Variants in KSR2 observed in about 807,000 individuals in gnomAD.
KSR2 encodes kinase suppressor of ras 2.
Under a neutral mutation model 107.8 loss-of-function variants are expected in KSR2, and 25 were observed. That is an observed-to-expected ratio of 0.23 (90% CI 0.17 to 0.32). The LOEUF is 0.32. Ranked by LOEUF, KSR2 falls within the 10% of genes least tolerant of loss-of-function variation. The pLI, the probability that KSR2 is intolerant of heterozygous loss-of-function variation, is 1.00. For synonymous variants in KSR2, 480 were observed against 507.0 expected, an observed-to-expected ratio of 0.95 and a Z score of 0.71; for missense variants, 887 against 1,268.9, an observed-to-expected ratio of 0.70 and a Z score of 4.57.
chr12:117,958,682 G>A (rs1439007079), intron 1 of KSR2, among the ~76,000 whole-genome samples: 1 of 152,106 alleles, frequency 6.6e-6, no homozygotes, highest in African/African-American at 2.4e-5. Flanking sequence ...TCAGCTGGGT[G>A]CGGTGGAATG....
chr12:117,773,590 C>T (rs1889583735), intron 3 of KSR2, among the ~76,000 whole-genome samples: 1 of 152,184 alleles, frequency 6.6e-6, no homozygotes. Flanking sequence ...TCTACCATTC[C>T]AGGATCAACA....
At position 117,614,455 on chromosome 12, in the gene KSR2, G is replaced by A. The variant is rs569331510; in HGVS notation, c.1172-32096C>T. 6.6e-5 allele frequency among the ~76,000 whole-genome samples: 10 copies of A among 152,294 alleles called. No individual in the cohort carries two copies. In the South Asian group the frequency reaches 2.1e-3, roughly 32 times the overall value. On this transcript the variant is annotated intron_variant, in intron 5 of 19. Transcript: ENST00000339824. ...ATTAAGAATTGATTGGATTTGTTTG[G>A]GCTAAATGGAAAGTGCTCTGAAACT...
intron 4 of KSR2, among the ~76,000 whole-genome samples, chr12:117,686,215 ATTTTTTTTTTTT>A (rs55772468): frequency 7.7e-5 from 6 of 78,038 alleles, no homozygotes; most frequent in African/African-American, 2.7e-4. Context: ...CACCCAGCTA[ATTTTTTTTTTTT>A]TTTTTTTTTT....
In KSR2 at chr12:117,893,701, C is replaced by G. The variant is rs185187683; in HGVS notation, c.181-33270G>C. Among the ~76,000 whole-genome samples the G allele has an allele frequency of 1.1e-3, 175 of 152,244 alleles. 2 individuals are homozygous for G. The highest frequency in any genetic ancestry group is 6.8e-3 in the Middle Eastern group (2 of 294). ...AGCACCTAGGAGTACCCAGAACTAC[C>G]AAAAACAAGTAGGTGCTTGCTTTTC... is the stretch of plus-strand genomic sequence containing the variant. On this transcript the variant is annotated intron_variant, in intron 1 of 19. Transcript: ENST00000339824.
intron 5 of KSR2, among the ~76,000 whole-genome samples, chr12:117,646,896 A>C (rs1355493114): frequency 1.8e-4 from 27 of 152,172 alleles, no homozygotes; most frequent in Admixed American, 1.8e-3. Flanking sequence ...AATGCAGCGC[A>C]GAAGGGCTGC....
At chr12:117,744,776 A>C (rs1312092477) in intron 4 of KSR2, among the ~76,000 whole-genome samples, 5 of 152,198 alleles carry the variant, frequency 3.3e-5, no homozygotes, top group Non-Finnish European at 7.4e-5. Context: ...TTCTCAAACT[A>C]GACTTGAAGC....
intron 1 of KSR2, among the ~76,000 whole-genome samples, chr12:117,862,728 CTT>C (rs60357744): frequency 0.11 from 15,245 of 135,286 alleles, 802 homozygotes; most frequent in African/African-American, 0.19. Flanking sequence ...CATTCCCCCC[CTT>C]TTTTTTTTTT....
chr12:117,880,891 A>T (rs1055571913), intron 1 of KSR2, among the ~76,000 whole-genome samples: 1 of 151,854 alleles, frequency 6.6e-6, no homozygotes, highest in Admixed American at 6.6e-5. Flanking sequence ...GCTGGTCTCG[A>T]ACTCCTGATC....
chr12:117,699,630 G>A (rs1399045916), intron 4 of KSR2, among the ~76,000 whole-genome samples: 5 of 152,064 alleles, frequency 3.3e-5, no homozygotes, highest in African/African-American at 7.2e-5. Flanking sequence ...AGATTAAAAC[G>A]GTACACCTGT....
chr12:117,835,226 T>C (rs1035407184), intron 3 of KSR2, among the ~76,000 whole-genome samples: 3 of 152,134 alleles, frequency 2.0e-5, no homozygotes, highest in South Asian at 2.1e-4. Context: ...CCCCCTTTCA[T>C]GGGTGATCAG....
chr12:117,891,882 C>A (rs1049185844), intron 1 of KSR2, among the ~76,000 whole-genome samples: 1 of 152,088 alleles, frequency 6.6e-6, no homozygotes, highest in Non-Finnish European at 1.5e-5. Context: ...CACCTGTGGT[C>A]CCAGCTACTT....
In KSR2 at chr12:117,968,313, G is replaced by C; in HGVS notation, c.-58C>G. 1 of 1,452,838 alleles carries C rather than the reference G, an allele frequency of 6.9e-7. No individual in the cohort carries two copies. The highest frequency in any genetic ancestry group is 9.0e-7 in the Non-Finnish European group (1 of 1,110,910). 90.0% of individuals were successfully genotyped at this position (1,452,838 alleles called of 1,614,324 possible). A position where few individuals can be genotyped will look rare whatever the true frequency, so the allele number is the denominator to read the frequency against. On this transcript the variant is annotated 5_prime_UTR_variant, in exon 1 of 20. Transcript: ENST00000339824. ...CCTCCCAGAGAGAAAAAAGAGGGGG[G>C]GGAGTAGAGGTAGTCTACCCTCCGC...
At chr12:117,826,471 G>A (rs1891756547) in intron 3 of KSR2, among the ~76,000 whole-genome samples, 1 of 139,432 alleles carries the variant, frequency 7.2e-6, no homozygotes, top group Admixed American at 7.3e-5. Flanking sequence ...AGGAAAAAAA[G>A]ATCTTTTTGA....
intron 14 of KSR2, among the ~76,000 whole-genome samples, chr12:117,523,016 G>T (rs918946353): frequency 6.6e-6 from 1 of 152,194 alleles, no homozygotes. Flanking sequence ...CTTCTGTCTT[G>T]TGCAGAGTTG....
intron 5 of KSR2, among the ~76,000 whole-genome samples, chr12:117,597,169 G>A (rs1880697404): frequency 6.6e-6 from 1 of 152,144 alleles, no homozygotes; most frequent in Admixed American, 6.6e-5. Flanking sequence ...CTTCCTTGGT[G>A]ACCTGAGGAG....
At chr12:117,919,695 A>G (rs1895285130) in intron 1 of KSR2, among the ~76,000 whole-genome samples, 1 of 152,206 alleles carries the variant, frequency 6.6e-6, no homozygotes, top group Non-Finnish European at 1.5e-5. Context: ...TGAATCATGA[A>G]CAGAAATGAC....
chr12:117,790,482 A>G (rs930836442), intron 3 of KSR2, among the ~76,000 whole-genome samples: 1 of 152,176 alleles, frequency 6.6e-6, no homozygotes, highest in Admixed American at 6.5e-5. Flanking sequence ...GCAATCAGAT[A>G]TGCATTTGTC....
intron 5 of KSR2, among the ~76,000 whole-genome samples, chr12:117,634,024 C>T (rs964436876): frequency 6.6e-6 from 1 of 152,324 alleles, no homozygotes; most frequent in African/African-American, 2.4e-5. Context: ...TCCTATCTGG[C>T]AATCAGTCCA....
chr12:117,955,767 C>T (rs915875518), intron 1 of KSR2, among the ~76,000 whole-genome samples: 2 of 151,144 alleles, frequency 1.3e-5, no homozygotes, highest in Non-Finnish European at 2.9e-5. Context: ...ACAGAGAAAT[C>T]GCTTCAGTGC....
Sources: gnomAD v4.1 joint callset for allele counts (sites outside exome capture counted in the v4.1 genomes callset) on GRCh38, gnomAD v4.1.1 for gene constraint, MANE v1.5 for transcripts, NCBI Gene and HGNC (gene_info 2026-07-23, HGNC 2026-07-21) for gene names.